TCF4: variants seen among roughly 807,000 people sequenced by gnomAD.
TCF4 encodes the protein SL3-3 enhancer factor 2.
TCF4 carries 3 observed loss-of-function variants against 82.1 expected under a neutral mutation model. The observed-to-expected ratio is 0.04, with a 90% confidence interval of 0.02 to 0.09. The LOEUF is 0.09. Ranked by LOEUF, TCF4 falls within the 10% of genes least tolerant of loss-of-function variation. The pLI is 1.00. For missense variants in TCF4, 518 were observed against 852.7 expected (o/e 0.61, Z 4.89); for synonymous variants, 276 against 309.6 (o/e 0.89, Z 1.14).
chr18:55,364,711 C>T (rs1395715742), intron 6 of TCF4, among the ~76,000 whole-genome samples: 1 of 152,182 alleles, frequency 6.6e-6, no homozygotes, highest in Admixed American at 6.5e-5. Flanking sequence ...ATCAGATATT[C>T]AAGAGCCTTC....
At chr18:55,529,410 T>G (rs2097031943) in intron 3 of TCF4, among the ~76,000 whole-genome samples, 1 of 152,190 alleles carries the variant, frequency 6.6e-6, no homozygotes, top group Non-Finnish European at 1.5e-5. Context: ...GTGTGAATCA[T>G]TTCAATCTCT....
chr18:55,476,915 GTGTGTGTGCA>G (rs1466045675), intron 3 of TCF4, among the ~76,000 whole-genome samples: 10 of 152,154 alleles, frequency 6.6e-5, no homozygotes, highest in African/African-American at 1.9e-4. Flanking sequence ...GCTTATAAAT[GTGTGTGTGCA>G]TGTGTGTGCA....
chr18:55,447,250 G>T (rs2095542224), intron 5 of TCF4, among the ~76,000 whole-genome samples: 1 of 151,036 alleles, frequency 6.6e-6, no homozygotes, highest in African/African-American at 2.4e-5. Flanking sequence ...TGAAGCTGCA[G>T]TAAGCACCCC....
At chr18:55,508,530 G>A (rs1207229265) in intron 3 of TCF4, among the ~76,000 whole-genome samples, 1 of 152,158 alleles carries the variant, frequency 6.6e-6, no homozygotes, top group Non-Finnish European at 1.5e-5. Context: ...TGTTCTCAAT[G>A]TTAGATGCAT....
chr18:55,526,705 C>G (rs780135747), intron 3 of TCF4, among the ~76,000 whole-genome samples: 2 of 152,094 alleles, frequency 1.3e-5, no homozygotes, highest in Non-Finnish European at 2.9e-5. Context: ...ACCCTTGGGC[C>G]CCTTTCATTA....
intron 5 of TCF4, among the ~76,000 whole-genome samples, chr18:55,408,508 A>T (rs1438640551): frequency 6.6e-6 from 1 of 152,168 alleles, no homozygotes; most frequent in African/African-American, 2.4e-5. Context: ...GAACACATAC[A>T]TGAGGTTATT....
rs1267244724 is a variant in TCF4 at position 55,510,645 on chromosome 18, T to G, written c.146-46508A>C. On this transcript the variant is annotated intron_variant, in intron 3 of 19. Coordinates refer to ENST00000354452, the MANE Select transcript of TCF4 (RefSeq NM_001083962.2). Reference sequence around the variant, plus strand: ...CCCCAATATATCTGGTGATTAAAATTCTAAAATACTACTTCGTAAACTTTT... The same window carrying G: ...CCCCAATATATCTGGTGATTAAAATGCTAAAATACTACTTCGTAAACTTTT... 5.3e-6 allele frequency: 8 copies of G among 1,510,266 alleles called. No homozygotes were observed. In the East Asian group the frequency reaches 1.7e-4, roughly 33 times the overall value. The allele number at this position is 1,510,266 out of a possible 1,614,324, so 93.6% of individuals were successfully genotyped here.
At chr18:55,228,636 T>C (rs1317128581) in intron 18 of TCF4, among the ~76,000 whole-genome samples, 2 of 152,204 alleles carry the variant, frequency 1.3e-5, no homozygotes, top group African/African-American at 2.4e-5. Flanking sequence ...AGTTGCAATA[T>C]AATCTTAGTT....
chr18:55,364,434 C>T (rs965240076), intron 6 of TCF4, among the ~76,000 whole-genome samples: 4 of 152,206 alleles, frequency 2.6e-5, no homozygotes, highest in Admixed American at 6.5e-5. Flanking sequence ...TAACCATTCC[C>T]TACAATTCCT....
chr18:55,289,763 G>C (rs1216963916), intron 8 of TCF4, among the ~76,000 whole-genome samples: 2 of 151,988 alleles, frequency 1.3e-5, no homozygotes, highest in Non-Finnish European at 2.9e-5. Context: ...AATAAAGACA[G>C]AAATTAATTT....
At chr18:55,267,267 AAT>A (rs1486878329) in intron 11 of TCF4, 1 of 152,176 alleles carries the variant, frequency 6.6e-6, no homozygotes, top group African/African-American at 2.4e-5. Flanking sequence ...CAGGCAACGT[AAT>A]ATTTCTTTAC....
chr18:55,320,963 A>G (rs1186346468), intron 8 of TCF4: 1 of 152,606 alleles, frequency 6.6e-6, no homozygotes, highest in African/African-American at 2.4e-5. Context: ...TTTTTCTTAA[A>G]TAAAGCGTTT....
At position 55,226,274 on chromosome 18, in the gene TCF4, T is replaced by A. The variant is rs1330241607; in HGVS notation, c.*1761A>T. ...GGTGGAAAAACTACTTGAACAGGGA[T>A]TTTTTTTTTTCTTAATACATGCCAA... is the stretch of plus-strand genomic sequence containing the variant. On this transcript the variant is annotated 3_prime_UTR_variant, in exon 20 of 20. Coordinates refer to ENST00000354452, the MANE Select transcript of TCF4 (RefSeq NM_001083962.2). 2 of 58,548 alleles carry A rather than the reference T, an allele frequency of 3.4e-5. No individual in the cohort carries two copies. 3.6% of individuals were successfully genotyped at this position (58,548 alleles called of 1,614,324 possible). A position where few individuals can be genotyped will look rare whatever the true frequency, so the allele number is the denominator to read the frequency against.
intron 16 of TCF4, 189 bp downstream of exon 16, chr18:55,234,359 A>G: frequency 1.3e-6 from 1 of 744,576 alleles, no homozygotes; most frequent in East Asian, 2.7e-5. Flanking sequence ...TGAGGAAAAC[A>G]GTCCCTGGAG....
chr18:55,341,543 C>G (rs2079965059), intron 8 of TCF4, among the ~76,000 whole-genome samples: 1 of 152,146 alleles, frequency 6.6e-6, no homozygotes, highest in South Asian at 2.1e-4. Flanking sequence ...ACCAAGGCCA[C>G]TGGGTGTGTA....
intron 2 of TCF4, among the ~76,000 whole-genome samples, chr18:55,625,798 A>G (rs1179047162): frequency 6.6e-6 from 1 of 152,166 alleles, no homozygotes; most frequent in Non-Finnish European, 1.5e-5. Flanking sequence ...AAAATAGAAG[A>G]AAGGAAGTAT....
At chr18:55,360,260 A>G (rs961615712) in intron 6 of TCF4, among the ~76,000 whole-genome samples, 3 of 152,246 alleles carry the variant, frequency 2.0e-5, no homozygotes, top group African/African-American at 7.2e-5. Flanking sequence ...TACCTTCTTA[A>G]CTACTGACAA....
intron 8 of TCF4, among the ~76,000 whole-genome samples, chr18:55,297,222 G>C (rs556174526): frequency 5.3e-4 from 51 of 96,632 alleles, no homozygotes; most frequent in Admixed American, 1.8e-3. Context: ...AAAAAAAAAA[G>C]GAAAGAAAGA....
intron 6 of TCF4, among the ~76,000 whole-genome samples, chr18:55,357,640 A>ACTGT (rs777488044): frequency 6.6e-6 from 1 of 152,184 alleles, no homozygotes; most frequent in Non-Finnish European, 1.5e-5. Flanking sequence ...GGCATATCAA[A>ACTGT]CTGTCACAAG....
Sources: gnomAD v4.1 joint callset for allele counts (sites outside exome capture counted in the v4.1 genomes callset) on GRCh38, gnomAD v4.1.1 for gene constraint, MANE v1.5 for transcripts, NCBI Gene and HGNC (gene_info 2026-07-23, HGNC 2026-07-21) for gene names.